SRGAP3: variants seen among roughly 807,000 people sequenced by gnomAD.
SRGAP3 encodes SLIT-ROBO Rho GTPase-activating protein 3.
SRGAP3 carries 39 observed loss-of-function variants against 121.1 expected under a neutral mutation model. The ratio of observed to expected loss-of-function variants is 0.32; its 90% CI spans 0.25 to 0.42. SRGAP3 has a LOEUF of 0.42. SRGAP3 is among the 10% of genes least tolerant of loss of function. SRGAP3 has a pLI of 1.00. For synonymous variants in SRGAP3, 601 were observed against 570.0 expected (o/e 1.05, Z -0.77); for missense variants, 1,213 against 1,470.6 (o/e 0.82, Z 2.86).
chr3:9,081,417 T>A, intron 3 of SRGAP3: 1 of 374,270 alleles, frequency 2.7e-6, no homozygotes, highest in Non-Finnish European at 5.2e-6. Context: ...GAGAATCACT[T>A]CCCCCTTTGA....
At chr3:9,062,357 CCT>C (rs1310353822) in intron 5 of SRGAP3, among the ~76,000 whole-genome samples, 1 of 152,050 alleles carries the variant, frequency 6.6e-6, no homozygotes, top group Non-Finnish European at 1.5e-5. Flanking sequence ...ACTCACTCTA[CCT>C]CTCTCCTTCT....
rs928718450 is a variant in SRGAP3, at chr3:9,124,784, C to T, written c.201G>A (p.Leu67=). The T allele has an allele frequency of 6.2e-7, 1 of 1,614,244 alleles. No individual in the cohort carries two copies. The highest frequency in any genetic ancestry group is 8.5e-7 in the Non-Finnish European group (1 of 1,180,058). The stretch of plus-strand genomic sequence containing the variant: ...AGGAGAAGCGCTCAGCCAGCTTCTC[C>T]AGGCTGCGGGAGTACTCGAGCTCAA... The part of the protein sequence containing the change: ...AEIELEYSRS[L]EKLAERFSSK... The change falls in exon 2 of 22, where the codon CTG becomes CTA. Residue 67 remains leucine (L), a synonymous_variant. Transcript: ENST00000383836.
chr3:9,099,836 C>T (rs146654651), intron 3 of SRGAP3, among the ~76,000 whole-genome samples: 22 of 152,258 alleles, frequency 1.4e-4, no homozygotes, highest in East Asian at 3.9e-4. Context: ...TTTTAAGAAC[C>T]GCAGTGAGGT....
chr3:9,209,176 A>G (rs941444172), intron 1 of SRGAP3, among the ~76,000 whole-genome samples: 2 of 152,232 alleles, frequency 1.3e-5, no homozygotes, highest in African/African-American at 4.8e-5. Context: ...ATACTGTAAA[A>G]TGTTCACAGG....
At chr3:9,185,381 G>A (rs1297580395) in intron 1 of SRGAP3, among the ~76,000 whole-genome samples, 1 of 152,144 alleles carries the variant, frequency 6.6e-6, no homozygotes, top group Non-Finnish European at 1.5e-5. Flanking sequence ...ATCATGACTG[G>A]AGTGGTCAAA....
intron 7 of SRGAP3, among the ~76,000 whole-genome samples, chr3:9,057,562 T>C (rs1395724131): frequency 6.6e-6 from 1 of 152,040 alleles, no homozygotes; most frequent in Non-Finnish European, 1.5e-5. Flanking sequence ...TCCCAGCAGG[T>C]GCCACGGGTG....
chr3:9,019,078 T>C (rs928979813), intron 14 of SRGAP3, among the ~76,000 whole-genome samples: 11 of 152,216 alleles, frequency 7.2e-5, no homozygotes, highest in Non-Finnish European at 1.5e-5. Context: ...GTACTCTACT[T>C]CATGGACAGA....
intron 12 of SRGAP3, among the ~76,000 whole-genome samples, chr3:9,027,308 G>A (rs901523030): frequency 1.3e-5 from 2 of 152,210 alleles, no homozygotes; most frequent in South Asian, 4.1e-4. Context: ...CCTCGGGGGG[G>A]TGCTGGAGTC....
rs180795383 is a variant in SRGAP3 at position 9,148,678 on chromosome 3, G to A, written c.68-23761C>T. Among the ~76,000 whole-genome samples, 8 of 152,226 alleles carry A rather than the reference G, an allele frequency of 5.3e-5. No homozygotes were observed. The East Asian group carries it at 1.4e-3, about 26-fold the overall frequency. On this transcript the variant is annotated intron_variant, in intron 1 of 21. Transcript: ENST00000383836. Reference sequence around the variant, plus strand: ...CTGAGATATCAGAAGCCTGGGACGTGGGGCCTGGGACATGGGGCCTACAGA... The same window carrying A: ...CTGAGATATCAGAAGCCTGGGACGTAGGGCCTGGGACATGGGGCCTACAGA...
intron 1 of SRGAP3, among the ~76,000 whole-genome samples, chr3:9,201,425 T>C (rs1952064781): frequency 6.6e-6 from 1 of 152,234 alleles, no homozygotes; most frequent in Non-Finnish European, 1.5e-5. Flanking sequence ...CTGAGACATC[T>C]GGTGTCCATT....
chr3:9,228,422 C>G (rs1349015685), intron 1 of SRGAP3, among the ~76,000 whole-genome samples: 1 of 152,188 alleles, frequency 6.6e-6, no homozygotes, highest in Non-Finnish European at 1.5e-5. Context: ...ACAGCCAGAC[C>G]ACTTCCTGCC....
At chr3:9,094,824 T>G (rs1272745219) in intron 3 of SRGAP3, among the ~76,000 whole-genome samples, 2 of 152,120 alleles carry the variant, frequency 1.3e-5, no homozygotes, top group African/African-American at 2.4e-5. Flanking sequence ...AGTGTAATCA[T>G]AGCTCACTGC....
rs188328285 is a variant in SRGAP3 at position 8,999,306 on chromosome 3, G to T, written c.2228-4783C>A. Among the ~76,000 whole-genome samples the T allele has an allele frequency of 7.0e-4, 106 of 152,332 alleles. 1 individual carries two copies. The highest frequency in any genetic ancestry group is 3.4e-3 in the Middle Eastern group (1 of 294). On this transcript the variant is annotated intron_variant, in intron 18 of 21. Transcript: ENST00000383836. ...CAGTGGTTCAGAGACGGCTACACTG[G>T]TGCGGCCTCTGAACTAGCATGGGCT...
chr3:9,141,370 C>G (rs897860377), intron 1 of SRGAP3, among the ~76,000 whole-genome samples: 1 of 152,192 alleles, frequency 6.6e-6, no homozygotes, highest in Non-Finnish European at 1.5e-5. Flanking sequence ...CCATGCCGCC[C>G]AAATATTTTA....
chr3:9,030,625 T>C (rs1481816757), intron 12 of SRGAP3, among the ~76,000 whole-genome samples: 1 of 152,176 alleles, frequency 6.6e-6, no homozygotes, highest in Non-Finnish European at 1.5e-5. Flanking sequence ...GATGTGTTGG[T>C]CAGAAGGAAT....
chr3:9,081,932 T>C (rs2125270292), intron 3 of SRGAP3, among the ~76,000 whole-genome samples: 1 of 152,180 alleles, frequency 6.6e-6, no homozygotes, highest in East Asian at 1.9e-4. Context: ...CTTTGGGAGG[T>C]GATTAGGTCA....
At chr3:9,176,387 A>G (rs892088429) in intron 1 of SRGAP3, among the ~76,000 whole-genome samples, 1 of 152,226 alleles carries the variant, frequency 6.6e-6, no homozygotes, top group Non-Finnish European at 1.5e-5. Context: ...AGTTACACTA[A>G]TGATCATAAG....
intron 1 of SRGAP3, among the ~76,000 whole-genome samples, chr3:9,126,436 C>T (rs1261651033): frequency 6.6e-6 from 1 of 152,088 alleles, no homozygotes; most frequent in African/African-American, 2.4e-5. Flanking sequence ...TGGAGACCAT[C>T]CTGGCTGACA....
chr3:9,252,729 C>A (rs775034097), upstream of SRGAP3, among the ~76,000 whole-genome samples: 1 of 152,204 alleles, frequency 6.6e-6, no homozygotes, highest in Admixed American at 6.5e-5. Flanking sequence ...CCAGCCCTCC[C>A]GCTGCCCTCC....
Sources: gnomAD v4.1 joint callset for allele counts (sites outside exome capture counted in the v4.1 genomes callset) on GRCh38, gnomAD v4.1.1 for gene constraint, MANE v1.5 for transcripts, NCBI Gene and HGNC (gene_info 2026-07-23, HGNC 2026-07-21) for gene names.